The following TM9SF1 variants were observed in gnomAD, a reference collection of about 807,000 sequenced individuals.
TM9SF1 encodes the protein MP70 protein family member.
In TM9SF1, 25 loss-of-function variants were observed where a neutral mutation model predicts 52.4. The observed-to-expected ratio is 0.48, with a 90% CI of 0.35 to 0.67. TM9SF1 has a LOEUF of 0.67. TM9SF1 is among the 30% of genes least tolerant of loss of function. TM9SF1 has a pLI of 0.01. For missense variants in TM9SF1, 604 were observed against 780.3 expected (o/e 0.77, Z 2.69); for synonymous variants, 284 against 299.8 (o/e 0.95, Z 0.55).
At chr14:24,190,001 G>A in intron 5 of TM9SF1, 193 bp from the exon 6 acceptor site, 2 of 1,389,158 alleles carry the variant, frequency 1.4e-6, no homozygotes, top group Non-Finnish European at 1.9e-6. Flanking sequence ...CTCACTTCAA[G>A]AATATCTTCC....
In TM9SF1 at chr14:24,192,486, C is replaced by G. The variant is rs1594451483; in HGVS notation, c.968-130G>C. ...AACAATCTCCCCCAGTTTTGCTATC[C>G]AGAAAATCTACAATAGAATACGTGC... On this transcript the variant is annotated intron_variant, in intron 3 of 5. Transcript: ENST00000261789. The surrounding 1 kb of genome is among the most constrained non-coding windows in gnomAD (Gnocchi z 4.0). 2 of 1,387,564 alleles carry G rather than the reference C, an allele frequency of 1.4e-6. No homozygotes were observed. The highest frequency in any genetic ancestry group is 9.8e-7 in the Non-Finnish European group (1 of 1,020,994). The allele number at this position is 1,387,564 out of a possible 1,614,324, so 86.0% of individuals were successfully genotyped here.
intron 4 of TM9SF1, among the ~76,000 whole-genome samples, 198 bp from the exon 5 acceptor site, chr14:24,190,851 GTTTTTTTTTT>G (rs150852398): frequency 3.1e-5 from 2 of 65,436 alleles, no homozygotes; most frequent in Non-Finnish European, 5.2e-5. Flanking sequence ...TTTGTTCTGT[GTTTTTTTTTT>G]TTTTTTTTTT....
Position 24,189,488 on chromosome 14 carries a change from A to G in TM9SF1, c.1748T>C (p.Met583Thr). 8 of 1,614,230 alleles carry G rather than the reference A, an allele frequency of 5.0e-6. No individual in the cohort carries two copies. The highest frequency in any genetic ancestry group is 6.8e-6 in the Non-Finnish European group (8 of 1,180,026). Residue 583 changes from methionine to threonine, a missense_variant, in exon 6 of 6, where the codon ATG becomes ACG. Physicochemically the swap from Met to Thr is moderately conservative, Grantham distance 81 (BLOSUM62 -1). Around this residue, in one of 3 missense-constraint regions of TM9SF1, gnomAD observed 107 missense variants for 180.5 expected, o/e 0.59. Coordinates refer to ENST00000261789, the MANE Select transcript of TM9SF1 (RefSeq NM_006405.7). ...AGAAAAAAAGGAGATGGTGCCCAGC[A>G]TGAGGAAGAAGACATAACCAGTGAG... The part of the protein sequence containing the change: ...SLLTGYVFFL[M>T]LGTISFFSSL...
chr14:24,192,993 A>G lies in TM9SF1; in HGVS notation c.622T>C (p.Trp208Arg). 1 of 1,614,222 alleles carries G rather than the reference A, an allele frequency of 6.2e-7. No individual in the cohort carries two copies. Among genetic ancestry groups the G allele is most frequent in the African/African-American group, 1.3e-5 (1 of 75,066 alleles). Residue 208 changes from tryptophan to arginine, a missense_variant, in exon 3 of 6, where the codon TGG (tryptophan) becomes CGG (arginine). Physicochemically the swap from Trp to Arg is moderately radical, Grantham distance 101. Around this residue, in one of 3 missense-constraint regions of TM9SF1, gnomAD observed 450 missense variants for 560.1 expected, o/e 0.80. Coordinates refer to ENST00000261789, the MANE Select transcript of TM9SF1 (RefSeq NM_006405.7). This position sits in a 1 kb window ranked among gnomAD's most constrained non-coding sequence, Gnocchi z 4.0. ...LGLTHTYSVR[W>R]SETSVERRSD... ...CGACGCTCCACTGAAGTCTCAGACCAGCGCACGCTATAAGTGTGGGTAAGG... is the reference window on the plus strand; with the variant it reads ...CGACGCTCCACTGAAGTCTCAGACCGGCGCACGCTATAAGTGTGGGTAAGG...
Position 24,190,668 on chromosome 14 carries a change from C to G in TM9SF1, c.1154-15G>C, listed in dbSNP as rs1349204495. On this transcript the variant is annotated splice_polypyrimidine_tract_variant and intron_variant, in intron 4 of 5. Transcript: ENST00000261789. ...GAAGAAAGGCACTGCAGGGATGGGC[C>G]CCCGGAGGGAGGGTCAACACTAGGA... 1 of 1,596,506 alleles carries G rather than the reference C, an allele frequency of 6.3e-7. No individual in the cohort carries two copies. The highest frequency in any genetic ancestry group is 1.3e-5 in the African/African-American group (1 of 74,458).
intron 2 of TM9SF1, among the ~76,000 whole-genome samples, chr14:24,193,810 C>T (rs1338738676): frequency 6.6e-6 from 1 of 151,692 alleles, no homozygotes; most frequent in Non-Finnish European, 1.5e-5. Flanking sequence ...GTCCCAGCTA[C>T]TCGGGAGGCT....
Position 24,195,061 on chromosome 14 carries a change from T to TAGAAACCAGGGAGGTTAC in TM9SF1, c.-17-43_-17-26dup, listed in dbSNP as rs759702559. On this transcript the variant is annotated intron_variant, in intron 1 of 5. Transcript: ENST00000261789. ...CCTGTTTGGGGGAATCCTGAGGTTA[T>TAGAAACCAGGGAGGTTAC]AGAAACCAGGGAGGTTACAGAAACC... is the stretch of plus-strand genomic sequence containing the variant. 3 of 1,566,828 alleles carry TAGAAACCAGGGAGGTTAC rather than the reference T, an allele frequency of 1.9e-6. No homozygotes were observed. In the Admixed American group the frequency reaches 5.2e-5, roughly 27 times the overall value.
chr14:24,192,995 C>T lies in TM9SF1; in HGVS notation c.620G>A (p.Arg207His), dbSNP rs890918250. The change falls in exon 3 of 6, where the codon CGC (arginine) becomes CAC (histidine). Residue 207 changes from arginine (R) to histidine (H), a missense_variant. Around this residue, in one of 3 missense-constraint regions of TM9SF1, gnomAD observed 450 missense variants for 560.1 expected, o/e 0.80. Coordinates refer to ENST00000261789, the MANE Select transcript of TM9SF1 (RefSeq NM_006405.7). The surrounding 1 kb of genome is among the most constrained non-coding windows in gnomAD (Gnocchi z 4.0). ...FLGLTHTYSVRWSETSVERRS... is the reference protein window; with the variant it reads ...FLGLTHTYSVHWSETSVERRS... ...ACGCTCCACTGAAGTCTCAGACCAGCGCACGCTATAAGTGTGGGTAAGGCC... is the reference window on the plus strand; with the variant it reads ...ACGCTCCACTGAAGTCTCAGACCAGTGCACGCTATAAGTGTGGGTAAGGCC... 7 of 1,614,174 alleles carry T rather than the reference C, an allele frequency of 4.3e-6. No individual in the cohort carries two copies. The highest frequency in any genetic ancestry group is 3.3e-5 in the South Asian group (3 of 91,080).
intron 5 of TM9SF1, chr14:24,190,122 A>C: frequency 7.3e-7 from 1 of 1,368,894 alleles, no homozygotes; most frequent in Non-Finnish European, 9.4e-7. Context: ...TTTAAACCCC[A>C]CATGATGTCC....
At chr14:24,194,481 G>T (rs1203757113) in intron 2 of TM9SF1, among the ~76,000 whole-genome samples, 194 bp downstream of exon 2, 1 of 152,138 alleles carries the variant, frequency 6.6e-6, no homozygotes, top group African/African-American at 2.4e-5. Context: ...CTTGAAAAAA[G>T]TAACTTCTGA....
At chr14:24,190,686 C>T (rs370494652) in intron 4 of TM9SF1, 33 bp from the exon 5 acceptor site, 7 of 1,574,972 alleles carry the variant, frequency 4.4e-6, no homozygotes, top group Admixed American at 1.8e-5. Context: ...GGAGGGTCAA[C>T]ACTAGGAGCT....
At chr14:24,191,019 C>G (rs889972333) in intron 4 of TM9SF1, among the ~76,000 whole-genome samples, 1 of 151,950 alleles carries the variant, frequency 6.6e-6, no homozygotes, top group African/African-American at 2.4e-5. Context: ...GCGCCCGCCA[C>G]CACGCCCGGC....
At position 24,189,648 on chromosome 14, in the gene TM9SF1, G is replaced by A. The variant is rs747944183; in HGVS notation, c.1588C>T (p.Arg530Cys). 2.9e-5 allele frequency: 46 copies of A among 1,613,970 alleles called. No individual in the cohort carries two copies. The highest frequency in any genetic ancestry group is 1.6e-4 in the Middle Eastern group (1 of 6,084). Residue 530 changes from arginine (R) to cysteine (C), a missense_variant, in exon 6 of 6, where the codon CGC (arginine) becomes TGC (cysteine). Physicochemically the swap from Arg to Cys is radical, Grantham distance 180 (BLOSUM62 -3). This residue lies in a region of TM9SF1 where 107 missense variants were observed against 180.5 expected (regional missense o/e 0.59). Transcript: ENST00000261789. ...CTCAGCACAGATCGCCACCACCAGC[G>A]GTAATCCTCCCCAGACAACTGGAAG... ...TYFQLSGEDYRWWWRSVLSVG... is the reference protein window; with the variant it reads ...TYFQLSGEDYCWWWRSVLSVG...
Position 24,192,670 on chromosome 14 carries a change from G to A in TM9SF1, c.945C>T (p.Ala315=), listed in dbSNP as rs746790303. Reference sequence around the variant, plus strand: ...CACCAGTGCCAAGGGCCAGGAACTGGGCACCCACGCCAAGCACAGCACAGA... The same window carrying A: ...CACCAGTGCCAAGGGCCAGGAACTGAGCACCCACGCCAAGCACAGCACAGA... ...GLLCAVLGVG[A]QFLALGTGII... The change falls in exon 3 of 6, where the codon GCC becomes GCT. Residue 315 remains alanine (A), a synonymous_variant. Transcript: ENST00000261789. The surrounding 1 kb of genome is among the most constrained non-coding windows in gnomAD (Gnocchi z 4.0). 6.3e-7 allele frequency: 1 copy of A among 1,574,838 alleles called. No individual in the cohort carries two copies. Among genetic ancestry groups the A allele is most frequent in the Non-Finnish European group, 8.6e-7 (1 of 1,160,102 alleles).
chr14:24,194,744 C>T lies in TM9SF1; in HGVS notation c.276G>A (p.Leu92=). The T allele has an allele frequency of 2.5e-6, 4 of 1,614,226 alleles. No individual in the cohort carries two copies. The highest frequency in any genetic ancestry group is 3.4e-6 in the Non-Finnish European group (4 of 1,180,030). The part of the protein sequence containing the change: ...VLDGDRMAES[L]YEIRFRENVE... The stretch of plus-strand genomic sequence containing the variant: ...CGTTTTCCCGAAAGCGGATCTCATA[C>T]AAAGACTCAGCCATTCGGTCCCCAT... Residue 92 remains leucine, a synonymous_variant, in exon 2 of 6, where the codon TTG becomes TTA. Transcript: ENST00000261789.
Position 24,195,000 on chromosome 14 carries a change from G to C in TM9SF1, c.20C>G (p.Pro7Arg). The C allele has an allele frequency of 6.2e-7, 1 of 1,613,960 alleles. No homozygotes were observed. Among genetic ancestry groups the C allele is most frequent in the South Asian group, 1.1e-5 (1 of 91,084 alleles). MTVVGN[P>R]RSWSCQWLPI... ...CAACCACTGGCAGCTCCAACTTCGA[G>C]GGTTCCCTACGACTGTCATCCTTAA... is the stretch of plus-strand genomic sequence containing the variant. The change falls in exon 2 of 6, where the codon CCT becomes CGT. Residue 7 changes from proline to arginine, a missense_variant. Pro to Arg is a moderately radical substitution (Grantham distance 103). Around this residue, in one of 3 missense-constraint regions of TM9SF1, gnomAD observed 47 missense variants for 39.7 expected, o/e 1.18. Coordinates refer to ENST00000261789, the MANE Select transcript of TM9SF1 (RefSeq NM_006405.7).
intron 5 of TM9SF1, chr14:24,190,114 TA>T: frequency 7.3e-7 from 1 of 1,364,992 alleles, no homozygotes. Context: ...AAATGGGCTT[TA>T]AACCCCACAT....
intron 5 of TM9SF1, 28 bp from the exon 6 acceptor site, chr14:24,189,836 A>G (rs775869002): frequency 1.3e-6 from 2 of 1,573,644 alleles, no homozygotes; most frequent in Non-Finnish European, 1.7e-6. Context: ...GATACACAGC[A>G]TTAAAGGGCT....
At chr14:24,190,324 G>T (rs753722123) in intron 5 of TM9SF1, 56 bp downstream of exon 5, 3 of 1,531,314 alleles carry the variant, frequency 2.0e-6, no homozygotes, top group Non-Finnish European at 2.6e-6. Flanking sequence ...AGTAGGGACA[G>T]GAAAAATTGA....
Sources: allele counts gnomAD v4.1 joint callset (sites outside exome capture counted in the v4.1 genomes callset), GRCh38; gene constraint gnomAD v4.1.1; regional missense constraint gnomAD v4.1.1; non-coding constraint Gnocchi (gnomAD v3.1); transcripts MANE v1.5; gene names NCBI Gene and HGNC (gene_info 2026-07-23, HGNC 2026-07-21).